Variants in SETBP1 observed in about 807,000 individuals in gnomAD.
SETBP1 encodes SET binding protein 1, also known as SET-binding protein.
In SETBP1, 9 loss-of-function variants were observed where a neutral mutation model predicts 101.0. The ratio of observed to expected loss-of-function variants is 0.09; its 90% CI spans 0.05 to 0.16. The LOEUF (loss-of-function observed/expected upper bound fraction) is 0.16. SETBP1 is among the 10% of genes least tolerant of loss of function. The pLI, the probability that SETBP1 is intolerant of heterozygous loss-of-function variation, is 1.00. For missense variants in SETBP1, 1,858 were observed against 2,033.8 expected (o/e 0.91, Z 1.66); for synonymous variants, 818 against 788.5 (o/e 1.04, Z -0.63).
intron 3 of SETBP1, among the ~76,000 whole-genome samples, chr18:44,874,257 TACTC>T (rs1054796366): frequency 6.6e-6 from 1 of 152,240 alleles, no homozygotes; most frequent in Non-Finnish European, 1.5e-5. Flanking sequence ...TGTTTTCGAA[TACTC>T]AGTCCATATT....
intron 2 of SETBP1, among the ~76,000 whole-genome samples, chr18:44,759,278 G>C (rs1376891237): frequency 6.6e-6 from 1 of 152,176 alleles, no homozygotes; most frequent in East Asian, 1.9e-4. Flanking sequence ...CAGGAGGTAT[G>C]TTTTCAATCA....
At chr18:44,902,228 C>A (rs982029821) in intron 3 of SETBP1, among the ~76,000 whole-genome samples, 3 of 41,916 alleles carry the variant, frequency 7.2e-5, no homozygotes, top group African/African-American at 1.2e-4. Flanking sequence ...ATATATCTCT[C>A]TCTTTCTCTC....
intron 2 of SETBP1, among the ~76,000 whole-genome samples, chr18:44,818,152 C>G (rs1196408337): frequency 1.3e-5 from 2 of 152,222 alleles, no homozygotes; most frequent in African/African-American, 4.8e-5. Context: ...GAAACTTCGT[C>G]TGCCTAACCC....
intron 3 of SETBP1, among the ~76,000 whole-genome samples, chr18:44,940,273 C>T (rs951159573): frequency 6.6e-6 from 1 of 152,074 alleles, no homozygotes; most frequent in Non-Finnish European, 1.5e-5. Flanking sequence ...TAAAGTGTAT[C>T]TCCTATAAGC....
chr18:45,058,921 A>C (rs1344860709), intron 5 of SETBP1, among the ~76,000 whole-genome samples: 1 of 152,186 alleles, frequency 6.6e-6, no homozygotes, highest in Non-Finnish European at 1.5e-5. Flanking sequence ...CCTTCTAGGG[A>C]GATGGTGGAT....
intron 2 of SETBP1, among the ~76,000 whole-genome samples, chr18:44,702,115 T>G (rs2069126357): frequency 6.6e-6 from 1 of 152,128 alleles, no homozygotes; most frequent in African/African-American, 2.4e-5. Flanking sequence ...CTTTCCAGAA[T>G]TAAGCTAGAG....
At chr18:44,882,457 G>A (rs189276859) in intron 3 of SETBP1, among the ~76,000 whole-genome samples, 11 of 152,030 alleles carry the variant, frequency 7.2e-5, no homozygotes, top group Non-Finnish European at 1.3e-4. Context: ...AAGGAGAATG[G>A]GATGCTATTC....
At chr18:44,844,100 T>C (rs1312379958) in intron 2 of SETBP1, among the ~76,000 whole-genome samples, 1 of 152,200 alleles carries the variant, frequency 6.6e-6, no homozygotes, top group Non-Finnish European at 1.5e-5. Flanking sequence ...TATAATACAG[T>C]TATTTGGGAT....
At chr18:44,883,516 C>G (rs2069576997) in intron 3 of SETBP1, among the ~76,000 whole-genome samples, 1 of 152,190 alleles carries the variant, frequency 6.6e-6, no homozygotes, top group South Asian at 2.1e-4. Flanking sequence ...ATCAGGTTGT[C>G]TGTCACCATA....
intron 2 of SETBP1, among the ~76,000 whole-genome samples, chr18:44,704,385 G>C (rs2069175304): frequency 6.6e-6 from 1 of 152,236 alleles, no homozygotes; most frequent in South Asian, 2.1e-4. Context: ...AGAGGAAGAA[G>C]AAGGGCTGAA....
chr18:44,988,387 A>T (rs1465642422), intron 4 of SETBP1: 1 of 152,254 alleles, frequency 6.6e-6, no homozygotes, highest in Non-Finnish European at 1.5e-5. Flanking sequence ...TGGGATTAAA[A>T]TAATATAAAA....
At chr18:44,744,607 C>G (rs971570391) in intron 2 of SETBP1, among the ~76,000 whole-genome samples, 1 of 152,142 alleles carries the variant, frequency 6.6e-6, no homozygotes, top group East Asian at 1.9e-4. Context: ...TGGCGAATGT[C>G]GCGCACCCAG....
chr18:44,810,049 G>T (rs1456817533), intron 2 of SETBP1, among the ~76,000 whole-genome samples: 1 of 152,122 alleles, frequency 6.6e-6, no homozygotes, highest in Non-Finnish European at 1.5e-5. Flanking sequence ...TGGATTTAAT[G>T]GATTTTATCA....
At chr18:44,837,606 CT>C (rs1344379994) in intron 2 of SETBP1, among the ~76,000 whole-genome samples, 1 of 152,160 alleles carries the variant, frequency 6.6e-6, no homozygotes, top group African/African-American at 2.4e-5. Flanking sequence ...CCTCAGCACA[CT>C]GGAAAATGCA....
At chr18:44,971,657 G>A (rs895152631) in intron 4 of SETBP1, among the ~76,000 whole-genome samples, 26 of 152,130 alleles carry the variant, frequency 1.7e-4, no homozygotes, top group African/African-American at 6.0e-4. Context: ...CATGTCTTTT[G>A]GCTGCATAAA....
At chr18:44,995,635 C>A (rs904195220) in intron 4 of SETBP1, among the ~76,000 whole-genome samples, 1 of 148,950 alleles carries the variant, frequency 6.7e-6, no homozygotes, top group Admixed American at 6.7e-5. Flanking sequence ...GCTAGTAATT[C>A]GTAAAGAACA....
intron 4 of SETBP1, among the ~76,000 whole-genome samples, chr18:45,017,440 A>G (rs1280104208): frequency 6.6e-6 from 1 of 152,114 alleles, no homozygotes; most frequent in Non-Finnish European, 1.5e-5. Flanking sequence ...AGGACCTGCA[A>G]CTCCAAAGTC....
At position 45,037,309 on chromosome 18, in the gene SETBP1, G is replaced by A. The variant is rs561641999; in HGVS notation, c.4001-1176G>A. ...TTTGCATTGGGGTTGGAGGGAAGGT[G>A]CCCATATATTCTTAGTCATGTCAGG... On this transcript the variant is annotated intron_variant, in intron 4 of 5. Transcript: ENST00000649279. 3.9e-5 allele frequency among the ~76,000 whole-genome samples: 6 copies of A among 152,242 alleles called. No individual in the cohort carries two copies. In the East Asian group the frequency reaches 9.6e-4, roughly 24 times the overall value.
intron 2 of SETBP1, among the ~76,000 whole-genome samples, chr18:44,805,433 TGG>T (rs1241096112): frequency 7.3e-5 from 11 of 149,998 alleles, no homozygotes; most frequent in East Asian, 2.0e-4. Flanking sequence ...TGTGTGTGTG[TGG>T]GTGTGTTTGT....
Sources: gnomAD v4.1 joint callset for allele counts (sites outside exome capture counted in the v4.1 genomes callset) on GRCh38, gnomAD v4.1.1 for gene constraint, MANE v1.5 for transcripts, NCBI Gene and HGNC (gene_info 2026-07-23, HGNC 2026-07-21) for gene names.